FAM228B: variants seen among roughly 807,000 people sequenced by gnomAD.
The protein encoded by FAM228B is protein FAM228B.
A neutral mutation model predicts 42.6 loss-of-function variants in FAM228B; 38 were observed. That is an observed-to-expected ratio of 0.89 (90% CI 0.69 to 1.17). FAM228B has a LOEUF of 1.17. Ranked by LOEUF, FAM228B falls within the 50% of genes most tolerant of loss-of-function variation. The pLI, the probability that FAM228B is intolerant of heterozygous loss-of-function variation, is 0.00. For synonymous variants in FAM228B, 109 were observed against 122.3 expected, an observed-to-expected ratio of 0.89 and a Z score of 0.72; for missense variants, 344 against 367.3, an observed-to-expected ratio of 0.94 and a Z score of 0.52.
chr2:24,128,901 A>G (rs555780263), intron 2 of FAM228B, among the ~76,000 whole-genome samples: 134 of 150,742 alleles, frequency 8.9e-4, no homozygotes, highest in Admixed American at 2.6e-3. Flanking sequence ...ACTCTACTCT[A>G]TGCACTTCAA....
chr2:24,084,514 C>A lies in FAM228B; in HGVS notation c.-210+3559C>A. ...TCGCTGCCCTGGTCTGCCGCGGACC[C>A]GGCCTCCGCCCCGAGCTCCTGCCTG... On this transcript the variant is annotated intron_variant, in intron 2 of 10. Coordinates refer to the FAM228B transcript ENST00000613899. The surrounding 1 kb of genome is among the most constrained non-coding windows in gnomAD (Gnocchi z 8.4). The A allele has an allele frequency of 1.3e-6, 1 of 755,976 alleles. No individual in the cohort carries two copies. Among genetic ancestry groups the A allele is most frequent in the South Asian group, 2.4e-5 (1 of 42,018 alleles). 46.8% of individuals were successfully genotyped at this position (755,976 alleles called of 1,614,324 possible).
intron 3 of FAM228B, among the ~76,000 whole-genome samples, chr2:24,101,371 A>C (rs183884198): frequency 1.3e-5 from 2 of 152,244 alleles, no homozygotes; most frequent in East Asian, 3.9e-4. Flanking sequence ...GATCATTCTT[A>C]TCTGCAGGAA....
chr2:24,125,855 G>C (rs772558417), intron 2 of FAM228B, among the ~76,000 whole-genome samples: 1 of 152,128 alleles, frequency 6.6e-6, no homozygotes, highest in Non-Finnish European at 1.5e-5. Context: ...GAGCCACTGC[G>C]CCCAGCCTGC....
At chr2:24,083,583 A>G (rs1195690763) in intron 2 of FAM228B, among the ~76,000 whole-genome samples, 1 of 152,150 alleles carries the variant, frequency 6.6e-6, no homozygotes, top group African/African-American at 2.4e-5. Flanking sequence ...GAGTATTTCA[A>G]AGTACACGTG....
chr2:24,079,728 A>G, intron 1 of FAM228B: 2 of 1,273,616 alleles, frequency 1.6e-6, no homozygotes, highest in Non-Finnish European at 2.2e-6. Flanking sequence ...ATATAAATAC[A>G]GATGCAAGTG....
At chr2:24,089,417 T>C (rs1465434537) in intron 2 of FAM228B, among the ~76,000 whole-genome samples, 1 of 151,776 alleles carries the variant, frequency 6.6e-6, no homozygotes, top group Non-Finnish European at 1.5e-5. Context: ...AGTAGTAAAA[T>C]CTAGAAAAAA....
Position 24,084,390 on chromosome 2 carries a change from A to ACGGGG in FAM228B, c.-210+3436_-210+3437insGGGGC, listed in dbSNP as rs1553325161. The ACGGGG allele has an allele frequency of 8.7e-7, 1 of 1,147,112 alleles. No individual in the cohort carries two copies. Among genetic ancestry groups the ACGGGG allele is most frequent in the Non-Finnish European group, 1.2e-6 (1 of 814,244 alleles). The allele number at this position is 1,147,112 out of a possible 1,614,324, so 71.1% of individuals were successfully genotyped here. A position where few individuals can be genotyped will look rare whatever the true frequency, so the allele number is the denominator to read the frequency against. ...ACAGGGCAGGGCAGGGCAGGACAGG[A>ACGGGG]CAGGGCAGGGCAGGACAGGACAGGG... On this transcript the variant is annotated intron_variant, in intron 2 of 10. Transcript: ENST00000613899. This position sits in a 1 kb window ranked among gnomAD's most constrained non-coding sequence, Gnocchi z 8.4.
intron 2 of FAM228B, among the ~76,000 whole-genome samples, chr2:24,126,473 T>C (rs1191279536): frequency 6.6e-6 from 1 of 152,248 alleles, no homozygotes; most frequent in Admixed American, 6.5e-5. Context: ...TTACTTGCCA[T>C]TTATCTATCT....
chr2:24,081,152 C>A, intron 2 of FAM228B: 5 of 91,666 alleles, frequency 5.5e-5, no homozygotes, highest in Admixed American at 3.3e-4. Flanking sequence ...TTTGCTTTTC[C>A]TTTTTTATTT....
At chr2:24,083,748 A>T (rs1319335462) in intron 2 of FAM228B, among the ~76,000 whole-genome samples, 2 of 152,170 alleles carry the variant, frequency 1.3e-5, no homozygotes, top group Non-Finnish European at 2.9e-5. Context: ...CGGGACTCTC[A>T]GAGTGGAAAG....
chr2:24,132,001 TCC>T (rs1666465993), intron 2 of FAM228B, among the ~76,000 whole-genome samples: 1 of 152,194 alleles, frequency 6.6e-6, no homozygotes, highest in Admixed American at 6.5e-5. Context: ...TGAGATATGT[TCC>T]ATCAATACCT....
chr2:24,088,655 A>G (rs1221318492), intron 2 of FAM228B, among the ~76,000 whole-genome samples: 1 of 152,188 alleles, frequency 6.6e-6, no homozygotes, highest in Non-Finnish European at 1.5e-5. Flanking sequence ...CCGGCCTATA[A>G]TATTCTTTAT....
chr2:24,123,744 GC>G (rs1666213969), intron 1 of FAM228B, among the ~76,000 whole-genome samples: 1 of 151,582 alleles, frequency 6.6e-6, no homozygotes, highest in Non-Finnish European at 1.5e-5. Context: ...TGCGCGGGAG[GC>G]CCCCGGCCCG....
chr2:24,120,264 G>A (rs200545787), upstream of FAM228B, among the ~76,000 whole-genome samples: 34 of 128,392 alleles, frequency 2.6e-4, no homozygotes, highest in African/African-American at 7.9e-4. Context: ...AGTGAAACTC[G>A]TCTCAAAAAA....
At chr2:24,121,153 G>GA, upstream of FAM228B, 1 of 1,613,854 alleles carries the variant, frequency 6.2e-7, no homozygotes, top group Non-Finnish European at 8.5e-7. Context: ...TTCAAATCTT[G>GA]AGCACTCACA....
chr2:24,124,254 G>T (rs1666240890), intron 1 of FAM228B, 76 bp from the exon 2 acceptor site: 2 of 727,932 alleles, frequency 2.7e-6, no homozygotes, highest in Non-Finnish European at 4.5e-6. Flanking sequence ...GTGTGTGCAA[G>T]GACACAGGTG....
At chr2:24,139,332 C>G (rs1456786090) in intron 4 of FAM228B, 38 bp from the exon 5 acceptor site, 2 of 1,265,438 alleles carry the variant, frequency 1.6e-6, no homozygotes, top group South Asian at 2.7e-5. Context: ...AACTGTGCAC[C>G]TCTTGTTCTT....
intron 5 of FAM228B, among the ~76,000 whole-genome samples, chr2:24,143,161 T>C (rs1170387785): frequency 6.6e-6 from 1 of 152,042 alleles, no homozygotes. Flanking sequence ...TACCTTTTTC[T>C]TTTCTTTTTT....
At position 24,077,747 on chromosome 2, in the gene FAM228B, C is replaced by T; in HGVS notation, c.-290+778C>T. 2 of 1,613,648 alleles carry T rather than the reference C, an allele frequency of 1.2e-6. No individual in the cohort carries two copies. The highest frequency in any genetic ancestry group is 1.7e-6 in the Non-Finnish European group (2 of 1,179,710). ...GAATTTGCTCCGTGAAAGCATTCAC[C>T]AGCATTTGCTTGTACTAAGACAAGG... On this transcript the variant is annotated intron_variant, in intron 1 of 10. Coordinates refer to the FAM228B transcript ENST00000613899. This position sits in a 1 kb window ranked among gnomAD's most constrained non-coding sequence, Gnocchi z 5.5.
Sources: allele counts gnomAD v4.1 joint callset (sites outside exome capture counted in the v4.1 genomes callset), GRCh38; gene constraint gnomAD v4.1.1; non-coding constraint Gnocchi (gnomAD v3.1); transcripts MANE v1.5; gene names NCBI Gene and HGNC (gene_info 2026-07-23, HGNC 2026-07-21).